RCOR1: variants seen among roughly 807,000 people sequenced by gnomAD.
RCOR1 encodes the protein REST corepressor 1.
RCOR1 carries 12 observed loss-of-function variants against 64.0 expected under a neutral mutation model. The ratio of observed to expected loss-of-function variants is 0.19; its 90% CI spans 0.12 to 0.30. The LOEUF (loss-of-function observed/expected upper bound fraction) is 0.30, where lower values mean the gene tolerates loss of function less well. Among genes scored for constraint, RCOR1 ranks in the 10% least tolerant of loss-of-function variants. The pLI, the probability that RCOR1 is intolerant of heterozygous loss-of-function variation, is 1.00. For synonymous variants in RCOR1, 279 were observed against 227.2 expected (o/e 1.23, Z -2.05); for missense variants, 502 against 621.2 (o/e 0.81, Z 2.04).
intron 2 of RCOR1, among the ~76,000 whole-genome samples, chr14:102,661,543 T>A (rs975877514): frequency 1.3e-5 from 2 of 152,094 alleles, no homozygotes; most frequent in Non-Finnish European, 2.9e-5. Context: ...TAAGAAAAAT[T>A]TAGTCAACAG....
In RCOR1 at chr14:102,593,365, G is replaced by C. The variant is rs1351582287; in HGVS notation, c.361+40G>C. 9.4e-6 allele frequency: 14 copies of C among 1,485,100 alleles called. 1 individual carries two copies. The East Asian group carries it at 3.9e-4, about 41-fold the overall frequency. The allele number at this position is 1,485,100 out of a possible 1,614,324, so 92.0% of individuals were successfully genotyped here. ...CGGCCGGCCGGCGGCGGGGATGAGC[G>C]GGAGCCCCGGGTCCCCGGCGAGCCC... On this transcript the variant is annotated intron_variant, in intron 2 of 11. Transcript: ENST00000262241.
At chr14:102,617,333 A>G (rs993859406) in intron 2 of RCOR1, among the ~76,000 whole-genome samples, 5 of 152,250 alleles carry the variant, frequency 3.3e-5, no homozygotes, top group Admixed American at 2.0e-4. Context: ...TTTCAAGAGC[A>G]TAATTCCCCT....
chr14:102,618,575 A>G (rs756318050), intron 2 of RCOR1, among the ~76,000 whole-genome samples: 9 of 152,142 alleles, frequency 5.9e-5, no homozygotes, highest in African/African-American at 1.9e-4. Context: ...GCCCATGCCA[A>G]TGTACTCCAG....
intron 2 of RCOR1, chr14:102,657,139 A>T: frequency 1.0e-6 from 1 of 961,292 alleles, no homozygotes; most frequent in Non-Finnish European, 1.2e-6. Context: ...GACTATGTAA[A>T]CCCAAAACAC....
At chr14:102,722,497 G>T in intron 11 of RCOR1, 81 bp downstream of exon 11, 1 of 1,182,082 alleles carries the variant, frequency 8.5e-7, no homozygotes. Flanking sequence ...AATTTTTTCA[G>T]CTATAGAGAT....
intron 2 of RCOR1, among the ~76,000 whole-genome samples, chr14:102,639,000 C>G (rs889297305): frequency 6.6e-6 from 1 of 152,134 alleles, no homozygotes; most frequent in Non-Finnish European, 1.5e-5. Flanking sequence ...ATGTAATTCT[C>G]TTGGGATTTT....
At chr14:102,649,981 C>T (rs547271717) in intron 2 of RCOR1, among the ~76,000 whole-genome samples, 6 of 151,882 alleles carry the variant, frequency 4.0e-5, no homozygotes, top group East Asian at 1.9e-4. Context: ...GGGCGGATCA[C>T]GAGGTCAGGA....
intron 8 of RCOR1, among the ~76,000 whole-genome samples, chr14:102,714,919 C>G (rs1235476195): frequency 2.0e-5 from 3 of 152,084 alleles, no homozygotes; most frequent in African/African-American, 7.3e-5. Flanking sequence ...TGAACATACC[C>G]TAGTAACCTG....
chr14:102,604,362 C>T (rs776285598), intron 2 of RCOR1, among the ~76,000 whole-genome samples: 2 of 152,126 alleles, frequency 1.3e-5, no homozygotes, highest in Non-Finnish European at 2.9e-5. Context: ...TAGGGATTTG[C>T]CACTCCTTAT....
chr14:102,607,980 G>A (rs1045002305), intron 2 of RCOR1, among the ~76,000 whole-genome samples: 4 of 152,014 alleles, frequency 2.6e-5, no homozygotes, highest in Admixed American at 6.6e-5. Context: ...TGGTTGAACC[G>A]GGGAGGCAGA....
At chr14:102,674,802 C>T (rs1026521497) in intron 2 of RCOR1, among the ~76,000 whole-genome samples, 6 of 152,044 alleles carry the variant, frequency 3.9e-5, no homozygotes, top group African/African-American at 1.2e-4. Context: ...AGGCCGGGCA[C>T]GGTGGCTCAT....
chr14:102,706,489 G>A (rs1243522043), intron 4 of RCOR1, among the ~76,000 whole-genome samples: 1 of 152,178 alleles, frequency 6.6e-6, no homozygotes, highest in Non-Finnish European at 1.5e-5. Flanking sequence ...TTCACTGTTG[G>A]TGGGAATGTA....
intron 2 of RCOR1, among the ~76,000 whole-genome samples, chr14:102,598,286 G>A (rs1044600086): frequency 6.6e-5 from 10 of 152,046 alleles, no homozygotes; most frequent in African/African-American, 2.2e-4. Flanking sequence ...ACTTATTTGC[G>A]GTATGCCAGC....
At chr14:102,682,014 GT>G in intron 3 of RCOR1, 36 bp downstream of exon 3, 1 of 1,463,504 alleles carries the variant, frequency 6.8e-7, no homozygotes, top group Non-Finnish European at 9.6e-7. Flanking sequence ...CACCTTTCTT[GT>G]TTAATGTAAG....
intron 3 of RCOR1, among the ~76,000 whole-genome samples, chr14:102,695,927 A>T (rs887956351): frequency 2.6e-5 from 4 of 152,026 alleles, no homozygotes. Context: ...TGTGAGCCTC[A>T]GTTTCTTTGT....
intron 2 of RCOR1, among the ~76,000 whole-genome samples, chr14:102,636,751 C>G (rs919821886): frequency 6.6e-6 from 1 of 151,876 alleles, no homozygotes; most frequent in Admixed American, 6.6e-5. Flanking sequence ...AGGCGGATCA[C>G]CTGAGGTCAG....
chr14:102,624,213 A>G (rs1231441507), intron 2 of RCOR1, among the ~76,000 whole-genome samples: 1 of 150,220 alleles, frequency 6.7e-6, no homozygotes, highest in Non-Finnish European at 1.5e-5. Flanking sequence ...TAAATAAATA[A>G]TAAAATAAGG....
intron 3 of RCOR1, among the ~76,000 whole-genome samples, chr14:102,699,443 T>C (rs2139976832): frequency 6.6e-6 from 1 of 152,358 alleles, no homozygotes; most frequent in African/African-American, 2.4e-5. Context: ...CCCCAATTTT[T>C]AGAATACATG....
At chr14:102,647,598 C>T (rs1266532561) in intron 2 of RCOR1, among the ~76,000 whole-genome samples, 2 of 152,186 alleles carry the variant, frequency 1.3e-5, no homozygotes, top group East Asian at 1.9e-4. Context: ...GGATTACAGG[C>T]GTGAGCCACT....
Sources: allele counts gnomAD v4.1 joint callset (sites outside exome capture counted in the v4.1 genomes callset), GRCh38; gene constraint gnomAD v4.1.1; transcripts MANE v1.5; gene names NCBI Gene and HGNC (gene_info 2026-07-23, HGNC 2026-07-21).